The following GFI1B variants were observed in gnomAD, a reference collection of about 807,000 sequenced individuals.
GFI1B encodes the protein zinc finger protein Gfi-1b.
GFI1B carries 20 observed loss-of-function variants against 35.3 expected under a neutral mutation model. The ratio of observed to expected loss-of-function variants is 0.57; its 90% CI spans 0.40 to 0.82. GFI1B has a LOEUF of 0.82. GFI1B is among the 40% of genes least tolerant of loss of function. GFI1B has a pLI of 0.00. For missense variants in GFI1B, 430 were observed against 446.3 expected (o/e 0.96, Z 0.33); for synonymous variants, 178 against 177.6 (o/e 1.00, Z -0.02).
At chr9:132,962,309 T>C (rs1415187767) in intron 1 of GFI1B, among the ~76,000 whole-genome samples, 2 of 151,808 alleles carry the variant, frequency 1.3e-5, no homozygotes, top group Non-Finnish European at 2.9e-5. Flanking sequence ...GGCTAATTAT[T>C]TGTATTTTTA....
intron 1 of GFI1B, among the ~76,000 whole-genome samples, chr9:132,956,030 C>G (rs531420932): frequency 1.2e-4 from 19 of 152,294 alleles, no homozygotes; most frequent in African/African-American, 4.6e-4. Context: ...ATGAGGCCCA[C>G]CCACATAGTG....
chr9:132,952,217 A>G (rs1848212513), intron 1 of GFI1B: 1 of 149,148 alleles, frequency 6.7e-6, no homozygotes, highest in African/African-American at 2.5e-5. Context: ...ACCTAGTTGA[A>G]CTCTCTAATT....
At chr9:132,959,192 G>A (rs940023356) in intron 1 of GFI1B, among the ~76,000 whole-genome samples, 4 of 152,130 alleles carry the variant, frequency 2.6e-5, no homozygotes, top group Admixed American at 6.5e-5. Context: ...AGGGAAACTG[G>A]GGGAGGTAAT....
chr9:132,956,303 A>ATTTT (rs72102439), intron 1 of GFI1B, among the ~76,000 whole-genome samples: 19 of 149,838 alleles, frequency 1.3e-4, no homozygotes, highest in African/African-American at 4.6e-4. Context: ...TTTTGTTATT[A>ATTTT]TTTTTTTTTT....
chr9:132,972,010 C>T lies in GFI1B; in HGVS notation c.-700-715C>T, dbSNP rs62578225. 9.0e-3 allele frequency among the ~76,000 whole-genome samples: 1,347 copies of T among 150,178 alleles called. 3 individuals are homozygous for T. The highest frequency in any genetic ancestry group is 0.013 in the Non-Finnish European group (886 of 67,708). ...AAAAATTGGGTTGGGTGTGGTGGCT[C>T]ACGCCTGTAATCCCAGCACTTTGGG... On this transcript the variant is annotated intron_variant, in intron 1 of 10. Transcript: ENST00000339463.
In GFI1B at chr9:132,965,432, G is replaced by A. The variant is rs150524953; in HGVS notation, c.-700-7293G>A. On this transcript the variant is annotated intron_variant, in intron 1 of 10. Transcript: ENST00000339463. ...TGAGGAAACCGTAGTGGGTTGAATA[G>A]TGGCCCCCTAAAAAGATAGGTCCAA... Among the ~76,000 whole-genome samples, 115 of 152,348 alleles carry A rather than the reference G, an allele frequency of 7.5e-4. 1 individual carries two copies. The highest frequency in any genetic ancestry group is 2.3e-3 in the East Asian group (12 of 5,194).
intron 1 of GFI1B, among the ~76,000 whole-genome samples, chr9:132,948,517 C>G (rs1158088376): frequency 6.6e-6 from 1 of 152,226 alleles, no homozygotes; most frequent in Non-Finnish European, 1.5e-5. Context: ...AGGACACCAC[C>G]AGCCAAAAAT....
chr9:132,960,585 C>T (rs1263259259), intron 1 of GFI1B, among the ~76,000 whole-genome samples: 2 of 152,012 alleles, frequency 1.3e-5, no homozygotes, highest in Admixed American at 1.3e-4. Flanking sequence ...CAGCCTCGAG[C>T]TCCTGGGCTC....
At chr9:132,954,969 G>A (rs546530066) in intron 1 of GFI1B, among the ~76,000 whole-genome samples, 2 of 152,146 alleles carry the variant, frequency 1.3e-5, no homozygotes, top group African/African-American at 4.8e-5. Flanking sequence ...CACCCACCTT[G>A]GCCTCCCAAA....
At chr9:132,977,791 G>A (rs1848675075), upstream of GFI1B, among the ~76,000 whole-genome samples, 1 of 152,152 alleles carries the variant, frequency 6.6e-6, no homozygotes, top group African/African-American at 2.4e-5. Flanking sequence ...ACACCCCAGA[G>A]GCCCCCACTG....
chr9:132,979,245 A>ATTT (rs1848725769), intron 1 of GFI1B, among the ~76,000 whole-genome samples: 1 of 101,038 alleles, frequency 9.9e-6, no homozygotes, highest in East Asian at 4.0e-4. Flanking sequence ...TTCCTGGGAC[A>ATTT]CTTTTTTTTT....
upstream of GFI1B, chr9:132,976,628 C>G (rs1002656510): frequency 6.6e-6 from 1 of 152,146 alleles, no homozygotes; most frequent in African/African-American, 2.4e-5. Flanking sequence ...GATTCTGCTT[C>G]CAGTGATTTT....
At chr9:132,948,196 T>TAA (rs56814016) in intron 1 of GFI1B, among the ~76,000 whole-genome samples, 23 of 148,452 alleles carry the variant, frequency 1.5e-4, no homozygotes, top group African/African-American at 2.5e-4. Flanking sequence ...GATGGGTGTT[T>TAA]AAAAAAAAAA....
In GFI1B at chr9:132,945,946, T is replaced by C. The variant is rs116242990; in HGVS notation, c.-701+277T>C. ...CCATGGTTAAGGGGGGCCAGGTGTG[T>C]GAGTAGCCAGCACCGTGGGTGCCTT... On this transcript the variant is annotated intron_variant, in intron 1 of 10. Transcript: ENST00000339463. 5.9e-3 allele frequency among the ~76,000 whole-genome samples: 900 copies of C among 152,168 alleles called. 6 individuals carry two copies. Among genetic ancestry groups the C allele is most frequent in the African/African-American group, 0.021 (852 of 41,502 alleles).
chr9:132,986,976 G>A (rs1849091408), intron 2 of GFI1B, among the ~76,000 whole-genome samples, 198 bp downstream of exon 2: 1 of 152,270 alleles, frequency 6.6e-6, no homozygotes, highest in South Asian at 2.1e-4. Context: ...TTAGGGAGAC[G>A]AGAGTGTCAG....
chr9:132,970,268 AG>A (rs1277292958), intron 1 of GFI1B, among the ~76,000 whole-genome samples: 1 of 152,120 alleles, frequency 6.6e-6, no homozygotes, highest in African/African-American at 2.4e-5. Context: ...GACAGGAGAC[AG>A]GGCCTCTCCC....
rs917583320 is a variant in GFI1B, at chr9:132,979,885, T to A, written c.-21+1044T>A. 4.6e-5 allele frequency among the ~76,000 whole-genome samples: 7 copies of A among 152,300 alleles called. No individual in the cohort carries two copies. In the East Asian group the frequency reaches 1.3e-3, roughly 29 times the overall value. On this transcript the variant is annotated intron_variant, in intron 1 of 6. Coordinates refer to ENST00000372122, the MANE Select transcript of GFI1B (RefSeq NM_001377304.1). ...TTTCACGAGTTCTTAGGGAGTAAAT[T>A]CGATTACAATCTGTGGGCATGAGTC...
downstream of GFI1B, among the ~76,000 whole-genome samples, chr9:132,992,782 G>C (rs1444985303): frequency 4.6e-5 from 7 of 152,088 alleles, no homozygotes; most frequent in Non-Finnish European, 8.8e-5. Context: ...ATAACTTCAG[G>C]AGGTCTTCTG....
chr9:132,979,497 C>T (rs551530919), intron 1 of GFI1B, among the ~76,000 whole-genome samples: 155 of 152,208 alleles, frequency 1.0e-3, no homozygotes, highest in African/African-American at 3.5e-3. Flanking sequence ...CCTCAGCCTC[C>T]CAAAGTGTTG....
Sources: gnomAD v4.1 joint callset for allele counts (sites outside exome capture counted in the v4.1 genomes callset) on GRCh38, gnomAD v4.1.1 for gene constraint, MANE v1.5 for transcripts, NCBI Gene and HGNC (gene_info 2026-07-23, HGNC 2026-07-21) for gene names.